Variants in FNIP1 observed in about 807,000 individuals in gnomAD.
FNIP1 encodes the protein folliculin-interacting protein 1.
In FNIP1, 40 loss-of-function variants were observed where a neutral mutation model predicts 124.5. That is an observed-to-expected ratio of 0.32 (90% CI 0.25 to 0.42). FNIP1 has a LOEUF of 0.42. Among genes scored for constraint, FNIP1 ranks in the 10% least tolerant of loss-of-function variants. The probability of loss-of-function intolerance (pLI) is 1.00; values close to 1 mark genes in which losing one functional copy is unlikely to be tolerated. For synonymous variants in FNIP1, 472 were observed against 470.6 expected, an observed-to-expected ratio of 1.00 and a Z score of -0.04; for missense variants, 1,176 against 1,403.7, an observed-to-expected ratio of 0.84 and a Z score of 2.59.
At position 131,719,061 on chromosome 5, in the gene FNIP1, C is replaced by G. The variant is rs1379281391; in HGVS notation, c.456-1G>C. On this transcript the variant is annotated splice_acceptor_variant, in intron 4 of 17. Coordinates refer to ENST00000510461, the MANE Select transcript of FNIP1 (RefSeq NM_133372.3). LOFTEE classifies it high-confidence loss of function. The stretch of plus-strand genomic sequence containing the variant: ...GCTGAGCATGAGCTGTGGAGGGGAA[C>G]TATGAAGAAAAAGAGAAAGAGAGAG... The G allele has an allele frequency of 6.2e-7, 1 of 1,613,040 alleles. No homozygotes were observed. Among genetic ancestry groups the G allele is most frequent in the Non-Finnish European group, 8.5e-7 (1 of 1,179,520 alleles).
At chr5:131,793,222 A>T (rs1772468586) in intron 1 of FNIP1, among the ~76,000 whole-genome samples, 1 of 152,056 alleles carries the variant, frequency 6.6e-6, no homozygotes, top group Non-Finnish European at 1.5e-5. Flanking sequence ...TTGTAGAGAC[A>T]GGGGTTTTGC....
intron 1 of FNIP1, among the ~76,000 whole-genome samples, chr5:131,789,521 T>C (rs972686708): frequency 6.6e-6 from 1 of 152,152 alleles, no homozygotes; most frequent in African/African-American, 2.4e-5. Flanking sequence ...AATAGAAAGT[T>C]AAGTAGTGGG....
At chr5:131,724,099 C>T (rs568809593) in intron 3 of FNIP1, among the ~76,000 whole-genome samples, 167 of 152,316 alleles carry the variant, frequency 1.1e-3, no homozygotes, top group African/African-American at 3.8e-3. Context: ...TTTCTTTATC[C>T]AGTCTATCAT....
chr5:131,773,726 T>C (rs891370961), intron 1 of FNIP1, among the ~76,000 whole-genome samples: 3 of 152,342 alleles, frequency 2.0e-5, no homozygotes, highest in Middle Eastern at 3.4e-3. Flanking sequence ...AGAAATTTAA[T>C]ATTCTGACAA....
chr5:131,648,702 G>A (rs773096793), intron 16 of FNIP1, among the ~76,000 whole-genome samples: 24 of 152,122 alleles, frequency 1.6e-4, no homozygotes, highest in Non-Finnish European at 2.9e-4. Context: ...AGCATTCGAT[G>A]TTGTGCAACC....
chr5:131,726,281 C>T (rs1769866489), intron 3 of FNIP1, among the ~76,000 whole-genome samples: 1 of 152,114 alleles, frequency 6.6e-6, no homozygotes, highest in Non-Finnish European at 1.5e-5. Flanking sequence ...ACCAGCTCCT[C>T]GTTGTACCTC....
intron 9 of FNIP1, 121 bp downstream of exon 9, chr5:131,706,290 T>C: frequency 1.8e-6 from 2 of 1,123,712 alleles, no homozygotes; most frequent in Middle Eastern, 4.6e-4. Flanking sequence ...TAGTAAATTT[T>C]AAAAGTTTTC....
intron 1 of FNIP1, among the ~76,000 whole-genome samples, chr5:131,791,955 T>C (rs1772419297): frequency 6.6e-6 from 1 of 151,556 alleles, no homozygotes; most frequent in Non-Finnish European, 1.5e-5. Context: ...CTTTAATGAG[T>C]CTGGGCCCAA....
At chr5:131,660,698 A>G (rs1191429612) in intron 15 of FNIP1, among the ~76,000 whole-genome samples, 1 of 152,124 alleles carries the variant, frequency 6.6e-6, no homozygotes, top group Non-Finnish European at 1.5e-5. Context: ...CTACTACAAT[A>G]CCATAGTCTT....
chr5:131,700,222 T>C (rs1768853932), intron 10 of FNIP1, among the ~76,000 whole-genome samples: 1 of 151,944 alleles, frequency 6.6e-6, no homozygotes, highest in South Asian at 2.1e-4. Flanking sequence ...GACCTTGTGA[T>C]CCGCCTGCCT....
At chr5:131,754,216 G>A (rs1395301666) in intron 1 of FNIP1, among the ~76,000 whole-genome samples, 6 of 152,126 alleles carry the variant, frequency 3.9e-5, no homozygotes, top group South Asian at 2.1e-4. Flanking sequence ...ACTTAAAAGC[G>A]TTCATTCAGC....
At chr5:131,689,290 G>GA (rs1441236203) in intron 11 of FNIP1, among the ~76,000 whole-genome samples, 1 of 151,922 alleles carries the variant, frequency 6.6e-6, no homozygotes, top group Non-Finnish European at 1.5e-5. Context: ...TTTGATGGCA[G>GA]AAAAAAATGA....
At chr5:131,668,943 A>G (rs924257077) in intron 15 of FNIP1, among the ~76,000 whole-genome samples, 1 of 152,188 alleles carries the variant, frequency 6.6e-6, no homozygotes, top group African/African-American at 2.4e-5. Flanking sequence ...CCACGAATGA[A>G]CTTCTCTTTG....
At chr5:131,669,852 A>G (rs1241348992) in intron 15 of FNIP1, among the ~76,000 whole-genome samples, 1 of 152,036 alleles carries the variant, frequency 6.6e-6, no homozygotes, top group Non-Finnish European at 1.5e-5. Context: ...GGAATAAGGC[A>G]ACGATGTCCA....
chr5:131,750,300 G>GA (rs1006438907), intron 1 of FNIP1, among the ~76,000 whole-genome samples: 9 of 152,096 alleles, frequency 5.9e-5, no homozygotes, highest in Admixed American at 3.3e-4. Flanking sequence ...TCAAAGTGCT[G>GA]AAAAAACGCA....
chr5:131,747,115 T>C (rs530765035), intron 1 of FNIP1, among the ~76,000 whole-genome samples: 3 of 152,288 alleles, frequency 2.0e-5, no homozygotes, highest in East Asian at 3.9e-4. Flanking sequence ...CCACTGTTTA[T>C]TGGGGTTGTT....
At chr5:131,791,959 G>A (rs1772419655) in intron 1 of FNIP1, among the ~76,000 whole-genome samples, 1 of 151,492 alleles carries the variant, frequency 6.6e-6, no homozygotes. Flanking sequence ...AATGAGTCTG[G>A]GCCCAAACTA....
At chr5:131,703,092 G>A (rs555573811) in intron 10 of FNIP1, among the ~76,000 whole-genome samples, 11 of 152,048 alleles carry the variant, frequency 7.2e-5, no homozygotes, top group Admixed American at 2.6e-4. Context: ...AATCTGTTTC[G>A]CTTGCAGTCT....
chr5:131,708,461 A>G (rs868350328), intron 8 of FNIP1, among the ~76,000 whole-genome samples: 4 of 152,158 alleles, frequency 2.6e-5, no homozygotes, highest in African/African-American at 9.7e-5. Context: ...CCTTTTAGCT[A>G]AAATGCTTTT....
Sources: gnomAD v4.1 joint callset for allele counts (sites outside exome capture counted in the v4.1 genomes callset) on GRCh38, gnomAD v4.1.1 for gene constraint, MANE v1.5 for transcripts, NCBI Gene and HGNC (gene_info 2026-07-23, HGNC 2026-07-21) for gene names.